DOCK5: variants seen among roughly 807,000 people sequenced by gnomAD.
DOCK5 encodes the protein dedicator of cytokinesis 5, also known as dedicator of cytokinesis protein 5.
In DOCK5, 142 loss-of-function variants were observed where a neutral mutation model predicts 251.8. The ratio of observed to expected loss-of-function variants is 0.56; its 90% confidence interval spans 0.49 to 0.65. The LOEUF (loss-of-function observed/expected upper bound fraction) is 0.65, where lower values mean the gene tolerates loss of function less well. DOCK5 is among the 30% of genes least tolerant of loss of function. The pLI is 0.00. For missense variants in DOCK5, 2,111 were observed against 2,312.3 expected, an observed-to-expected ratio of 0.91 and a Z score of 1.79; for synonymous variants, 842 against 835.5, an observed-to-expected ratio of 1.01 and a Z score of -0.13.
Position 25,372,704 on chromosome 8 carries a change from A to T in DOCK5, c.3670A>T (p.Thr1224Ser). Residue 1224 changes from threonine (T) to serine (S), a missense_variant, in exon 35 of 52, where the codon ACT becomes TCT. By Grantham distance (58) the Thr-to-Ser change is moderately conservative. Transcript: ENST00000276440. The part of the protein sequence containing the change: ...DESKENRMSC[T>S]VNVLNFYKEK... ...GAGCAAGGAGAACCGTATGAGCTGC[A>T]CTGTGAACGTGCTGGTATGTGACAT... The T allele has an allele frequency of 6.2e-7, 1 of 1,611,116 alleles. No individual in the cohort carries two copies. Among genetic ancestry groups the T allele is most frequent in the Non-Finnish European group, 8.5e-7 (1 of 1,178,692 alleles).
At chr8:25,299,159 G>A in intron 8 of DOCK5, 58 bp downstream of exon 8, 1 of 1,572,318 alleles carries the variant, frequency 6.4e-7, no homozygotes, top group Non-Finnish European at 8.6e-7. Flanking sequence ...GCCTTCCCCT[G>A]ACCCCTACCC....
At chr8:25,300,066 C>G (rs1804722612) in intron 8 of DOCK5, among the ~76,000 whole-genome samples, 1 of 152,104 alleles carries the variant, frequency 6.6e-6, no homozygotes, top group African/African-American at 2.4e-5. Flanking sequence ...CCACCATGCC[C>G]AACCAATTTT....
At chr8:25,392,510 C>T (rs1420775771) in intron 43 of DOCK5, among the ~76,000 whole-genome samples, 1 of 152,144 alleles carries the variant, frequency 6.6e-6, no homozygotes, top group Admixed American at 6.5e-5. Context: ...TGGTCTCTTC[C>T]TGGGCCTGCT....
intron 1 of DOCK5, among the ~76,000 whole-genome samples, chr8:25,229,180 GA>G (rs1250535484): frequency 5.9e-5 from 9 of 152,044 alleles, no homozygotes; most frequent in Non-Finnish European, 1.0e-4. Context: ...TACGTTTCTT[GA>G]CTTAAACAAA....
intron 46 of DOCK5, among the ~76,000 whole-genome samples, chr8:25,400,306 C>G (rs866013070): frequency 6.6e-6 from 1 of 151,882 alleles, no homozygotes; most frequent in African/African-American, 2.4e-5. Flanking sequence ...CCAGACCAGC[C>G]TGGCCAACAT....
intron 11 of DOCK5, among the ~76,000 whole-genome samples, chr8:25,306,481 C>T (rs1470339558): frequency 3.9e-5 from 6 of 152,032 alleles, no homozygotes; most frequent in Non-Finnish European, 8.8e-5. Context: ...CCAAGGCGGG[C>T]AGATCACAAG....
chr8:25,219,744 T>C (rs1802333935), intron 1 of DOCK5, among the ~76,000 whole-genome samples: 1 of 151,918 alleles, frequency 6.6e-6, no homozygotes, highest in African/African-American at 2.4e-5. Context: ...ACTTTTGACT[T>C]TCTGTCCCCT....
intron 1 of DOCK5, among the ~76,000 whole-genome samples, chr8:25,224,900 C>A (rs896206095): frequency 6.6e-6 from 1 of 152,180 alleles, no homozygotes; most frequent in Non-Finnish European, 1.5e-5. Flanking sequence ...CATCAAAAAA[C>A]CTCATAACTC....
At chr8:25,254,800 A>AAAAAC (rs1803374161) in intron 2 of DOCK5, among the ~76,000 whole-genome samples, 2 of 148,286 alleles carry the variant, frequency 1.3e-5, no homozygotes, top group Non-Finnish European at 3.0e-5. Flanking sequence ...AAACAAAAAA[A>AAAAAC]AAAAACATTT....
chr8:25,253,994 A>G (rs557139551), intron 2 of DOCK5, among the ~76,000 whole-genome samples: 14 of 152,258 alleles, frequency 9.2e-5, no homozygotes, highest in Non-Finnish European at 1.5e-4. Context: ...ACAACTTACT[A>G]TAAAGCTATA....
chr8:25,229,595 A>G (rs1299106103), intron 1 of DOCK5, among the ~76,000 whole-genome samples: 3 of 152,168 alleles, frequency 2.0e-5, no homozygotes, highest in African/African-American at 7.2e-5. Context: ...ATTGAAAAGA[A>G]TTTTTCGTTT....
intron 1 of DOCK5, among the ~76,000 whole-genome samples, chr8:25,190,670 G>C: frequency 6.6e-6 from 1 of 151,458 alleles, no homozygotes; most frequent in East Asian, 1.9e-4. Context: ...AGTGCCATCT[G>C]AGCAAGACAG....
chr8:25,240,027 G>A (rs896815419), intron 1 of DOCK5, among the ~76,000 whole-genome samples: 2 of 152,116 alleles, frequency 1.3e-5, no homozygotes, highest in African/African-American at 4.8e-5. Context: ...GAAGAGCTGG[G>A]AAGAGCCGGG....
At chr8:25,376,296 C>T (rs1586375850) in intron 37 of DOCK5, 1 of 985,100 alleles carries the variant, frequency 1.0e-6, no homozygotes, top group Non-Finnish European at 1.2e-6. Context: ...AGCTTTTTTT[C>T]CCCCCAGATT....
chr8:25,291,888 A>AT lies in DOCK5; in HGVS notation c.322-136_322-135insT, dbSNP rs1435110623. 18 of 954,490 alleles carry AT rather than the reference A, an allele frequency of 1.9e-5. No individual in the cohort carries two copies. The Admixed American group carries it at 5.9e-4, about 31-fold the overall frequency. 59.1% of individuals were successfully genotyped at this position (954,490 alleles called of 1,614,324 possible). A position where few individuals can be genotyped will look rare whatever the true frequency, so the allele number is the denominator to read the frequency against. ...ACTCCATCACAAAAAAAAAAAAAAA[A>AT]AGAATCGGCCAAAAGATGTTCCCTC... On this transcript the variant is annotated intron_variant, in intron 5 of 51. Coordinates refer to ENST00000276440, the MANE Select transcript of DOCK5 (RefSeq NM_024940.8).
intron 40 of DOCK5, among the ~76,000 whole-genome samples, chr8:25,387,492 CT>C (rs1480453902): frequency 6.6e-6 from 1 of 152,214 alleles, no homozygotes; most frequent in East Asian, 1.9e-4. Flanking sequence ...ACTTCTGTCT[CT>C]CCTTCTGTTA....
intron 18 of DOCK5, among the ~76,000 whole-genome samples, chr8:25,329,301 C>G (rs1456629844): frequency 1.3e-5 from 2 of 151,670 alleles, no homozygotes; most frequent in Non-Finnish European, 2.9e-5. Context: ...CCTTAGTTGC[C>G]CTAGCCACAT....
intron 27 of DOCK5, among the ~76,000 whole-genome samples, chr8:25,352,677 T>C (rs1269061014): frequency 6.6e-6 from 1 of 152,186 alleles, no homozygotes; most frequent in African/African-American, 2.4e-5. Flanking sequence ...ATTTAAAAAC[T>C]GCCATAAAAC....
At chr8:25,373,520 G>T in intron 35 of DOCK5, 98 bp from the exon 36 acceptor site, 1 of 1,165,664 alleles carries the variant, frequency 8.6e-7, no homozygotes. Context: ...CTTTGGAAAA[G>T]TGAAACTTTT....
Sources: allele counts gnomAD v4.1 joint callset (sites outside exome capture counted in the v4.1 genomes callset), GRCh38; gene constraint gnomAD v4.1.1; transcripts MANE v1.5; gene names NCBI Gene and HGNC (gene_info 2026-07-23, HGNC 2026-07-21).